The following ZDHHC3 variants were observed in gnomAD, a reference collection of about 807,000 sequenced individuals.
The protein encoded by ZDHHC3 is palmitoyltransferase ZDHHC3.
In ZDHHC3, 9 loss-of-function variants were observed where a neutral mutation model predicts 30.6. That is an observed-to-expected ratio of 0.29 (90% CI 0.18 to 0.51). The LOEUF is 0.51. Among genes scored for constraint, ZDHHC3 ranks in the 20% least tolerant of loss-of-function variants. The pLI is 0.97. For synonymous variants in ZDHHC3, 136 were observed against 140.2 expected, an observed-to-expected ratio of 0.97 and a Z score of 0.21; for missense variants, 246 against 384.2, an observed-to-expected ratio of 0.64 and a Z score of 3.01.
rs142255794 is a variant in ZDHHC3, at chr3:44,922,390, G to A, written c.*4299C>T. The A allele has an allele frequency of 1.2e-5, 12 of 985,428 alleles. No individual in the cohort carries two copies. The East Asian group carries it at 1.4e-3, about 112-fold the overall frequency. 61.0% of individuals were successfully genotyped at this position (985,428 alleles called of 1,614,324 possible). A position where few individuals can be genotyped will look rare whatever the true frequency, so the allele number is the denominator to read the frequency against. ...TCACCCAAAGGGCCCTTGGTCTAGAGATGGGTTCCACTGATGAGATGCACA... is the reference window on the plus strand; with the variant it reads ...TCACCCAAAGGGCCCTTGGTCTAGAAATGGGTTCCACTGATGAGATGCACA... On this transcript the variant is annotated 3_prime_UTR_variant, in exon 7 of 7. Coordinates refer to ENST00000424952, the MANE Select transcript of ZDHHC3 (RefSeq NM_001135179.2).
In ZDHHC3 at chr3:44,924,212, T is replaced by C. The variant is rs1034233409; in HGVS notation, c.*2477A>G. On this transcript the variant is annotated 3_prime_UTR_variant, in exon 7 of 7. Transcript: ENST00000424952. ...TAGAAAGATGTCCTCTTTCATTACA[T>C]CCGGAAATACTGAGGAGAGCTCAGG... The C allele has an allele frequency of 2.0e-6, 2 of 985,316 alleles. No individual in the cohort carries two copies. The highest frequency in any genetic ancestry group is 2.4e-6 in the Non-Finnish European group (2 of 829,936). The allele number at this position is 985,316 out of a possible 1,614,324, so 61.0% of individuals were successfully genotyped here. A position where few individuals can be genotyped will look rare whatever the true frequency, so the allele number is the denominator to read the frequency against.
chr3:44,928,017 C>T (rs539408542), intron 6 of ZDHHC3, among the ~76,000 whole-genome samples: 1 of 152,186 alleles, frequency 6.6e-6, no homozygotes, highest in Non-Finnish European at 1.5e-5. Context: ...GGACTGGGGC[C>T]GTGAGAGCTT....
intron 2 of ZDHHC3, among the ~76,000 whole-genome samples, chr3:44,950,172 G>A (rs1366215690): frequency 6.6e-6 from 1 of 152,142 alleles, no homozygotes; most frequent in African/African-American, 2.4e-5. Flanking sequence ...TTGAGTTTGG[G>A]CAACTGTGTG....
chr3:44,948,000 T>C (rs574226570), intron 2 of ZDHHC3, among the ~76,000 whole-genome samples: 59 of 152,284 alleles, frequency 3.9e-4, no homozygotes, highest in Middle Eastern at 3.4e-3. Context: ...AGCTATGGCA[T>C]TGGACTGGGG....
At position 44,918,887 on chromosome 3, in the gene ZDHHC3, C is replaced by G. The variant is rs1700398295; in HGVS notation, c.*7802G>C. ...AGAGGAGGTAAAGACATGGCCAGGC[C>G]AGCTCTCCAGGCCCACAACACCCTG... On this transcript the variant is annotated 3_prime_UTR_variant, in exon 7 of 7. Coordinates refer to ENST00000424952, the MANE Select transcript of ZDHHC3 (RefSeq NM_001135179.2). 2 of 986,138 alleles carry G rather than the reference C, an allele frequency of 2.0e-6. No individual in the cohort carries two copies. The allele number at this position is 986,138 out of a possible 1,614,324, so 61.1% of individuals were successfully genotyped here.
chr3:44,936,175 A>G (rs565674657), intron 3 of ZDHHC3, among the ~76,000 whole-genome samples: 1 of 152,362 alleles, frequency 6.6e-6, no homozygotes, highest in South Asian at 2.1e-4. Context: ...GAGAAAAACA[A>G]TCCCACTAAA....
chr3:44,926,925 G>A (rs1701040470), intron 6 of ZDHHC3, 78 bp from the exon 7 acceptor site: 3 of 1,484,984 alleles, frequency 2.0e-6, no homozygotes, highest in Non-Finnish European at 2.7e-6. Context: ...CGCAGCGACA[G>A]GTGAATGGAG....
chr3:44,954,915 T>C (rs1379926880), intron 2 of ZDHHC3, among the ~76,000 whole-genome samples: 2 of 151,814 alleles, frequency 1.3e-5, no homozygotes, highest in East Asian at 3.9e-4. Flanking sequence ...GAGAGAAGGG[T>C]AGTAAGATAA....
At chr3:44,942,158 C>A (rs192974635) in intron 3 of ZDHHC3, among the ~76,000 whole-genome samples, 1 of 152,360 alleles carries the variant, frequency 6.6e-6, no homozygotes, top group East Asian at 1.9e-4. Context: ...ATGCTGGGCG[C>A]AAACGTATGT....
intron 1 of ZDHHC3, among the ~76,000 whole-genome samples, chr3:44,968,753 T>G (rs1269274191): frequency 6.6e-6 from 1 of 152,234 alleles, no homozygotes; most frequent in Non-Finnish European, 1.5e-5. Flanking sequence ...GAGCCCCTTC[T>G]GGCACCTGTC....
In ZDHHC3 at chr3:44,923,142, C is replaced by T; in HGVS notation, c.*3547G>A. Reference sequence around the variant, plus strand: ...CCAGGCTGGAGTGCAGTGGTGCGATCTTGGCTCACTGCAAGCTCCACTTCC... The same window carrying T: ...CCAGGCTGGAGTGCAGTGGTGCGATTTTGGCTCACTGCAAGCTCCACTTCC... On this transcript the variant is annotated 3_prime_UTR_variant, in exon 7 of 7. Coordinates refer to ENST00000424952, the MANE Select transcript of ZDHHC3 (RefSeq NM_001135179.2). The T allele has an allele frequency of 7.5e-6, 7 of 938,340 alleles. No individual in the cohort carries two copies. Among genetic ancestry groups the T allele is most frequent in the African/African-American group, 1.8e-5 (1 of 55,424 alleles). The allele number at this position is 938,340 out of a possible 1,614,324, so 58.1% of individuals were successfully genotyped here.
chr3:44,968,096 C>G (rs1418464590), intron 1 of ZDHHC3, among the ~76,000 whole-genome samples: 1 of 151,986 alleles, frequency 6.6e-6, no homozygotes, highest in African/African-American at 2.4e-5. Context: ...CTCTGCTTGC[C>G]GTCACAGACT....
chr3:44,921,211 T>C lies in ZDHHC3; in HGVS notation c.*5478A>G. ...CACCAACACTCCAAAATGAATGTAT[T>C]AGGACTAAGGCTCCCGAGGAAGGAA... On this transcript the variant is annotated 3_prime_UTR_variant, in exon 7 of 7. Coordinates refer to ENST00000424952, the MANE Select transcript of ZDHHC3 (RefSeq NM_001135179.2). The C allele has an allele frequency of 3.1e-6, 3 of 968,224 alleles. No homozygotes were observed. The highest frequency in any genetic ancestry group is 3.6e-6 in the Non-Finnish European group (3 of 825,552). 60.0% of individuals were successfully genotyped at this position (968,224 alleles called of 1,614,324 possible). A position where few individuals can be genotyped will look rare whatever the true frequency, so the allele number is the denominator to read the frequency against.
Position 44,924,191 on chromosome 3 carries a change from A to C in ZDHHC3, c.*2498T>G. 4 of 985,454 alleles carry C rather than the reference A, an allele frequency of 4.1e-6. No individual in the cohort carries two copies. Among genetic ancestry groups the C allele is most frequent in the Non-Finnish European group, 4.8e-6 (4 of 829,936 alleles). 61.0% of individuals were successfully genotyped at this position (985,454 alleles called of 1,614,324 possible). On this transcript the variant is annotated 3_prime_UTR_variant, in exon 7 of 7. Coordinates refer to ENST00000424952, the MANE Select transcript of ZDHHC3 (RefSeq NM_001135179.2). ...AAAGTTGGGGCTGACTTTGTGTAGA[A>C]AGATGTCCTCTTTCATTACATCCGG...
intron 2 of ZDHHC3, among the ~76,000 whole-genome samples, chr3:44,948,235 C>A (rs1703124080): frequency 6.6e-6 from 1 of 152,108 alleles, no homozygotes; most frequent in Non-Finnish European, 1.5e-5. Context: ...CAGAGTTGGA[C>A]CGATGGATTA....
chr3:44,956,058 CCA>C lies in ZDHHC3; in HGVS notation c.306+3071_306+3072del, dbSNP rs375490349. Among the ~76,000 whole-genome samples, 49 of 152,340 alleles carry C rather than the reference CCA, an allele frequency of 3.2e-4. 1 individual carries two copies. The highest frequency in any genetic ancestry group is 1.1e-3 in the African/African-American group (44 of 41,572). ...TTTGGGATTGGAAGCTGGCAACACA[CCA>C]CAGTGAGAATCATGCTGTTCTGCAT... On this transcript the variant is annotated intron_variant, in intron 2 of 6. Transcript: ENST00000424952.
At chr3:44,934,241 A>G (rs928301400) in intron 3 of ZDHHC3, among the ~76,000 whole-genome samples, 3 of 152,170 alleles carry the variant, frequency 2.0e-5, no homozygotes, top group African/African-American at 4.8e-5. Flanking sequence ...CGGAACTGAC[A>G]TGGTTACATG....
At chr3:44,933,703 C>A (rs907021918) in intron 4 of ZDHHC3, among the ~76,000 whole-genome samples, 185 bp downstream of exon 4, 1 of 152,190 alleles carries the variant, frequency 6.6e-6, no homozygotes, top group Non-Finnish European at 1.5e-5. Flanking sequence ...ATTTTCTAAA[C>A]GCTCAAGTGA....
At chr3:44,927,384 G>A (rs1461640653) in intron 6 of ZDHHC3, among the ~76,000 whole-genome samples, 1 of 152,226 alleles carries the variant, frequency 6.6e-6, no homozygotes, top group African/African-American at 2.4e-5. Flanking sequence ...CTGCTCTGGC[G>A]TTGTGTGTCT....
Sources: gnomAD v4.1 joint callset for allele counts (sites outside exome capture counted in the v4.1 genomes callset) on GRCh38, gnomAD v4.1.1 for gene constraint, MANE v1.5 for transcripts, NCBI Gene and HGNC (gene_info 2026-07-23, HGNC 2026-07-21) for gene names.